Variants in LRRC4C observed in about 807,000 individuals in gnomAD.
The protein encoded by LRRC4C is leucine rich repeat containing 4C.
LRRC4C carries 5 observed loss-of-function variants against 33.6 expected under a neutral mutation model. That is an observed-to-expected ratio of 0.15 (90% confidence interval 0.08 to 0.31). The LOEUF (loss-of-function observed/expected upper bound fraction) is 0.31, where lower values mean the gene tolerates loss of function less well. Ranked by LOEUF, LRRC4C falls within the 10% of genes least tolerant of loss-of-function variation. The pLI, the probability that LRRC4C is intolerant of heterozygous loss-of-function variation, is 1.00. For synonymous variants in LRRC4C, 329 were observed against 302.0 expected, an observed-to-expected ratio of 1.09 and a Z score of -0.93; for missense variants, 560 against 796.7, an observed-to-expected ratio of 0.70 and a Z score of 3.58.
At chr11:41,072,644 T>G (rs1298120247) in intron 1 of LRRC4C, among the ~76,000 whole-genome samples, 1 of 152,150 alleles carries the variant, frequency 6.6e-6, no homozygotes, top group East Asian at 1.9e-4. Context: ...CCTCATTTCT[T>G]TATAAATTGC....
chr11:41,314,377 C>G (rs972935614), intron 1 of LRRC4C, among the ~76,000 whole-genome samples: 4 of 152,014 alleles, frequency 2.6e-5, no homozygotes, highest in Non-Finnish European at 5.9e-5. Context: ...TTCTAGGCAC[C>G]ATTAGTTGAT....
chr11:41,067,672 C>G (rs187773797), intron 1 of LRRC4C, among the ~76,000 whole-genome samples: 1 of 152,282 alleles, frequency 6.6e-6, no homozygotes, highest in East Asian at 1.9e-4. Context: ...AAGTAAAACA[C>G]TCCTCAGCAA....
intron 3 of LRRC4C, among the ~76,000 whole-genome samples, chr11:40,341,111 A>G (rs1390215144): frequency 6.6e-6 from 1 of 152,120 alleles, no homozygotes; most frequent in African/African-American, 2.4e-5. Context: ...AAACCCTAAA[A>G]CGAAGTGATG....
intron 3 of LRRC4C, among the ~76,000 whole-genome samples, chr11:40,548,925 T>C (rs954770259): frequency 6.6e-6 from 1 of 152,092 alleles, no homozygotes; most frequent in Non-Finnish European, 1.5e-5. Flanking sequence ...AAGCTAGCAA[T>C]TGACAGAAAA....
At chr11:41,086,148 C>T (rs76388661) in intron 1 of LRRC4C, among the ~76,000 whole-genome samples, 4,602 of 152,068 alleles carry the variant, frequency 0.03, 247 homozygotes, top group African/African-American at 0.11. Context: ...TTCAATACTT[C>T]AAAATAAAGC....
chr11:40,533,434 G>A (rs1329594151), intron 3 of LRRC4C, among the ~76,000 whole-genome samples: 1 of 151,792 alleles, frequency 6.6e-6, no homozygotes, highest in Non-Finnish European at 1.5e-5. Context: ...TTTGCCTCAG[G>A]GTCTCTTTTT....
At chr11:41,375,400 CT>C (rs1952902146) in intron 1 of LRRC4C, among the ~76,000 whole-genome samples, 1 of 152,076 alleles carries the variant, frequency 6.6e-6, no homozygotes, top group African/African-American at 2.4e-5. Context: ...CACCTCTAGA[CT>C]GAACCGCTGT....
intron 1 of LRRC4C, among the ~76,000 whole-genome samples, chr11:41,149,690 G>C (rs1194507298): frequency 6.6e-6 from 1 of 152,042 alleles, no homozygotes. Flanking sequence ...TGTTAGATTT[G>C]TCCTTACTCT....
At chr11:41,293,186 T>G (rs1314013841) in intron 1 of LRRC4C, among the ~76,000 whole-genome samples, 1 of 152,194 alleles carries the variant, frequency 6.6e-6, no homozygotes, top group Non-Finnish European at 1.5e-5. Flanking sequence ...TTTAAACATA[T>G]AAGTATATAA....
intron 3 of LRRC4C, among the ~76,000 whole-genome samples, chr11:40,568,136 G>A (rs2135548131): frequency 6.6e-6 from 1 of 152,310 alleles, no homozygotes; most frequent in South Asian, 2.1e-4. Flanking sequence ...TTTGAGATTA[G>A]GTTACAAAAA....
chr11:40,769,800 C>T (rs1375188928), intron 2 of LRRC4C, among the ~76,000 whole-genome samples: 2 of 152,132 alleles, frequency 1.3e-5, no homozygotes, highest in Non-Finnish European at 2.9e-5. Context: ...AACTAGACTT[C>T]TATCTCTTGC....
intron 5 of LRRC4C, among the ~76,000 whole-genome samples, chr11:40,225,287 T>C (rs1406344044): frequency 2.0e-5 from 3 of 152,164 alleles, no homozygotes; most frequent in Non-Finnish European, 1.5e-5. Context: ...CATTAACTAA[T>C]TAAGCTGACT....
chr11:41,235,411 G>T (rs1407454058), intron 1 of LRRC4C, among the ~76,000 whole-genome samples: 1 of 152,076 alleles, frequency 6.6e-6, no homozygotes, highest in African/African-American at 2.4e-5. Flanking sequence ...GCATGAAGCA[G>T]TATTCTGTGT....
At chr11:41,266,434 C>G (rs1419056876) in intron 1 of LRRC4C, among the ~76,000 whole-genome samples, 1 of 151,982 alleles carries the variant, frequency 6.6e-6, no homozygotes, top group Admixed American at 6.6e-5. Flanking sequence ...AATTTATAAA[C>G]CTGACTTTCT....
chr11:40,628,334 C>T (rs776086700), intron 3 of LRRC4C, among the ~76,000 whole-genome samples: 77 of 151,992 alleles, frequency 5.1e-4, no homozygotes, highest in African/African-American at 9.7e-4. Flanking sequence ...AAAAATTAGC[C>T]GGGCGTGGTG....
chr11:40,297,831 T>C (rs1405109777), intron 4 of LRRC4C, among the ~76,000 whole-genome samples: 2 of 152,192 alleles, frequency 1.3e-5, no homozygotes, highest in Non-Finnish European at 2.9e-5. Context: ...TGAGGTTAAA[T>C]AAGGGAACCT....
chr11:40,656,857 C>T (rs1943147340), intron 2 of LRRC4C, among the ~76,000 whole-genome samples: 1 of 152,070 alleles, frequency 6.6e-6, no homozygotes, highest in Non-Finnish European at 1.5e-5. Flanking sequence ...AACAGAATCT[C>T]CTAAAGTGGT....
intron 3 of LRRC4C, among the ~76,000 whole-genome samples, chr11:40,623,308 A>C (rs1172024604): frequency 1.3e-5 from 2 of 152,006 alleles, no homozygotes; most frequent in Non-Finnish European, 2.9e-5. Flanking sequence ...AATAAGAGTT[A>C]TAGGAGGAAA....
chr11:40,699,315 G>A (rs891994878), intron 2 of LRRC4C, among the ~76,000 whole-genome samples: 12 of 152,080 alleles, frequency 7.9e-5, no homozygotes, highest in Middle Eastern at 3.2e-3. Flanking sequence ...TCTGGTACAC[G>A]CCAAATGGCT....
Sources: allele counts gnomAD v4.1 joint callset (sites outside exome capture counted in the v4.1 genomes callset), GRCh38; gene constraint gnomAD v4.1.1; transcripts MANE v1.5; gene names NCBI Gene and HGNC (gene_info 2026-07-23, HGNC 2026-07-21).